Variants in OXR1 observed in about 807,000 individuals in gnomAD.
OXR1 encodes oxidation resistance 1.
Under a neutral mutation model 104.6 loss-of-function variants are expected in OXR1, and 41 were observed. The ratio of observed to expected loss-of-function variants is 0.39; its 90% confidence interval spans 0.31 to 0.51. The LOEUF (loss-of-function observed/expected upper bound fraction) is 0.51. Ranked by LOEUF, OXR1 falls within the 20% of genes least tolerant of loss-of-function variation. OXR1 has a pLI of 0.77. For missense variants in OXR1, 955 were observed against 1,031.9 expected (o/e 0.93, Z 1.02); for synonymous variants, 348 against 348.4 (o/e 1.00, Z 0.01).
chr8:106,750,719 T>A (rs1835830702), intron 16 of OXR1, 87 bp from the exon 17 acceptor site: 7 of 920,364 alleles, frequency 7.6e-6, no homozygotes, highest in African/African-American at 1.7e-5. Flanking sequence ...TTAATAACTT[T>A]AGGGTTGTTA....
At chr8:106,298,430 G>T (rs766996960) in intron 1 of OXR1, among the ~76,000 whole-genome samples, 46 of 152,068 alleles carry the variant, frequency 3.0e-4, no homozygotes, top group Non-Finnish European at 1.0e-4. Context: ...GGAAAAACCC[G>T]TCCCCATGAT....
At chr8:106,574,385 G>C (rs373540563) in intron 3 of OXR1, among the ~76,000 whole-genome samples, 3 of 152,074 alleles carry the variant, frequency 2.0e-5, no homozygotes, top group East Asian at 3.9e-4. Context: ...ACATCTGCCA[G>C]TGGAAAAAAA....
At chr8:106,616,168 A>G (rs962068821) in intron 3 of OXR1, among the ~76,000 whole-genome samples, 2 of 146,048 alleles carry the variant, frequency 1.4e-5, no homozygotes, top group African/African-American at 5.1e-5. Flanking sequence ...CAGCCTCCTG[A>G]GTAGCTGGGA....
intron 2 of OXR1, among the ~76,000 whole-genome samples, chr8:106,483,341 T>C (rs1822254526): frequency 6.6e-6 from 1 of 151,798 alleles, no homozygotes; most frequent in African/African-American, 2.4e-5. Context: ...TAAACATGAT[T>C]GAATTTAGAA....
intron 3 of OXR1, among the ~76,000 whole-genome samples, chr8:106,675,032 T>A (rs751460879): frequency 6.6e-6 from 1 of 152,078 alleles, no homozygotes; most frequent in Admixed American, 6.6e-5. Flanking sequence ...CAGAAACTAA[T>A]GAAAAGAGAA....
chr8:106,726,310 G>C (rs772300962), intron 11 of OXR1: 1 of 1,444,978 alleles, frequency 6.9e-7, no homozygotes, highest in Non-Finnish European at 9.3e-7. Flanking sequence ...ATACACTCTG[G>C]TAAATCTTAG....
chr8:106,355,469 AAT>A (rs1463604040), intron 1 of OXR1, among the ~76,000 whole-genome samples: 4 of 152,180 alleles, frequency 2.6e-5, no homozygotes, highest in African/African-American at 9.6e-5. Flanking sequence ...TAAAAAAGTA[AAT>A]ATAACAGGCT....
rs555700450 is a variant in OXR1, at chr8:106,707,105, A to G, written c.1584A>G (p.Glu528=). The G allele has an allele frequency of 3.9e-4, 626 of 1,613,952 alleles. 11 individuals are homozygous for G. The South Asian group carries it at 6.5e-3, about 17-fold the overall frequency. ...RENIQQVSQK[E]AKHKITSADG... ...ATATTCAACAAGTGTCACAAAAAGAAGCTAAGCATAAAATTACATCTGCTG... is the reference window on the plus strand; with the variant it reads ...ATATTCAACAAGTGTCACAAAAAGAGGCTAAGCATAAAATTACATCTGCTG... Residue 528 remains glutamate (E), a synonymous_variant, in exon 9 of 17, where the codon GAA becomes GAG. Coordinates refer to ENST00000517566, the MANE Select transcript of OXR1 (RefSeq NM_001198533.2).
chr8:106,598,441 C>A (rs528849509), intron 3 of OXR1, among the ~76,000 whole-genome samples: 1 of 152,294 alleles, frequency 6.6e-6, no homozygotes, highest in African/African-American at 2.4e-5. Flanking sequence ...TCTAAAACTC[C>A]TCCAGTTTTG....
At chr8:106,429,253 C>T (rs1392130751) in intron 2 of OXR1, among the ~76,000 whole-genome samples, 2 of 152,110 alleles carry the variant, frequency 1.3e-5, no homozygotes, top group Non-Finnish European at 2.9e-5. Flanking sequence ...GCCCTCTAGC[C>T]TGCAATGAGG....
At chr8:106,426,831 C>T (rs1430001267) in intron 2 of OXR1, among the ~76,000 whole-genome samples, 1 of 152,082 alleles carries the variant, frequency 6.6e-6, no homozygotes, top group Non-Finnish European at 1.5e-5. Flanking sequence ...ATATTGGATA[C>T]TATTATTATA....
chr8:106,484,659 C>A (rs1288878879), intron 2 of OXR1, among the ~76,000 whole-genome samples: 1 of 151,990 alleles, frequency 6.6e-6, no homozygotes. Flanking sequence ...GTCCAGAACA[C>A]TGACACTACC....
intron 2 of OXR1, among the ~76,000 whole-genome samples, chr8:106,413,711 A>C (rs1306267101): frequency 7.0e-6 from 1 of 143,672 alleles, no homozygotes; most frequent in Non-Finnish European, 1.5e-5. Context: ...ATATATAGCT[A>C]ATGCTGTATC....
rs916934321 is a variant in OXR1, at chr8:106,442,132, G to A, written c.24-76811G>A. Among the ~76,000 whole-genome samples, 3 of 152,162 alleles carry A rather than the reference G, an allele frequency of 2.0e-5. No individual in the cohort carries two copies. In the East Asian group the frequency reaches 5.8e-4, roughly 29 times the overall value. On this transcript the variant is annotated intron_variant, in intron 2 of 16. Transcript: ENST00000517566. ...AGAGTTTTTACCATGAAGTGGTGTT[G>A]AATTTTATCGAAGCCTTTTTCTGCA...
At chr8:106,353,218 C>T (rs549527706) in intron 1 of OXR1, among the ~76,000 whole-genome samples, 9 of 152,130 alleles carry the variant, frequency 5.9e-5, no homozygotes, top group East Asian at 1.9e-4. Context: ...GGTGTGGTGG[C>T]GCATGCCTGT....
chr8:106,335,920 A>G (rs1814941172), intron 1 of OXR1, among the ~76,000 whole-genome samples: 1 of 151,990 alleles, frequency 6.6e-6, no homozygotes, highest in Admixed American at 6.6e-5. Context: ...ACATGGCAAA[A>G]CACTGTCTCT....
intron 11 of OXR1, among the ~76,000 whole-genome samples, chr8:106,715,208 A>C (rs911226962): frequency 2.6e-5 from 4 of 151,918 alleles, no homozygotes; most frequent in African/African-American, 9.7e-5. Flanking sequence ...CCTGACACAA[A>C]TGAACATATA....
At chr8:106,652,026 G>T (rs1824622639) in intron 3 of OXR1, among the ~76,000 whole-genome samples, 1 of 151,978 alleles carries the variant, frequency 6.6e-6, no homozygotes, top group Admixed American at 6.6e-5. Context: ...TACTATAAAT[G>T]GAATTATTTT....
chr8:106,566,312 A>G (rs768128035), intron 3 of OXR1, among the ~76,000 whole-genome samples: 1 of 152,238 alleles, frequency 6.6e-6, no homozygotes, highest in Non-Finnish European at 1.5e-5. Context: ...TGGGTGAAGG[A>G]TATGAACAGA....
Sources: allele counts gnomAD v4.1 joint callset (sites outside exome capture counted in the v4.1 genomes callset), GRCh38; gene constraint gnomAD v4.1.1; transcripts MANE v1.5; gene names NCBI Gene and HGNC (gene_info 2026-07-23, HGNC 2026-07-21).